The following ILDR2 variants were observed in gnomAD, a reference collection of about 807,000 sequenced individuals.
ILDR2 encodes immunoglobulin-like domain-containing receptor 2.
ILDR2 carries 25 observed loss-of-function variants against 66.8 expected under a neutral mutation model. The ratio of observed to expected loss-of-function variants is 0.37; its 90% CI spans 0.27 to 0.52. ILDR2 has a LOEUF of 0.52. Among genes scored for constraint, ILDR2 ranks in the 20% least tolerant of loss-of-function variants. ILDR2 has a pLI of 0.88. For missense variants in ILDR2, 827 were observed against 876.8 expected (o/e 0.94, Z 0.72); for synonymous variants, 367 against 357.2 (o/e 1.03, Z -0.31).
intron 2 of ILDR2, among the ~76,000 whole-genome samples, chr1:166,902,123 G>T (rs1481908139): frequency 6.6e-6 from 1 of 152,178 alleles, no homozygotes; most frequent in African/African-American, 2.4e-5. Flanking sequence ...GCCTCCCAAA[G>T]TGCTGGGATT....
chr1:166,942,708 C>T (rs1462948742), intron 3 of ILDR2, among the ~76,000 whole-genome samples: 3 of 152,196 alleles, frequency 2.0e-5, no homozygotes, highest in Non-Finnish European at 2.9e-5. Flanking sequence ...TCTAACATTA[C>T]TTCCACACAC....
chr1:166,942,625 C>G (rs896519914), intron 3 of ILDR2, among the ~76,000 whole-genome samples: 5 of 152,194 alleles, frequency 3.3e-5, no homozygotes, highest in Non-Finnish European at 5.9e-5. Context: ...TATACACACA[C>G]AGATAAATTT....
intron 2 of ILDR2, among the ~76,000 whole-genome samples, chr1:166,898,942 C>A (rs1659215765): frequency 6.6e-6 from 1 of 151,758 alleles, no homozygotes; most frequent in South Asian, 2.1e-4. Context: ...TACCTGTAGT[C>A]CCAACAACTT....
At chr1:166,970,423 C>T (rs1049365800) in intron 1 of ILDR2, among the ~76,000 whole-genome samples, 2 of 152,148 alleles carry the variant, frequency 1.3e-5, no homozygotes, top group African/African-American at 4.8e-5. Flanking sequence ...CTTTCATTTA[C>T]AACTCATCAA....
At chr1:166,901,210 C>T (rs1013807466) in intron 2 of ILDR2, among the ~76,000 whole-genome samples, 1 of 152,168 alleles carries the variant, frequency 6.6e-6, no homozygotes, top group Admixed American at 6.5e-5. Context: ...CCACATTCCC[C>T]GAGTTTCTCA....
At chr1:166,930,841 G>A (rs924685614) in intron 6 of ILDR2, among the ~76,000 whole-genome samples, 3 of 152,156 alleles carry the variant, frequency 2.0e-5, no homozygotes, top group Non-Finnish European at 4.4e-5. Context: ...CAAATAGCAT[G>A]GTGTCAGATT....
chr1:166,960,346 C>T (rs183771842), intron 1 of ILDR2, among the ~76,000 whole-genome samples: 1 of 152,104 alleles, frequency 6.6e-6, no homozygotes, highest in African/African-American at 2.4e-5. Flanking sequence ...TAGGACTTTG[C>T]AGATGAAACT....
intron 6 of ILDR2, among the ~76,000 whole-genome samples, chr1:166,929,773 A>G (rs950322522): frequency 4.6e-5 from 7 of 152,220 alleles, no homozygotes; most frequent in African/African-American, 1.7e-4. Flanking sequence ...TAGAAACCAT[A>G]TTATAAGAGA....
In ILDR2 at chr1:166,911,929, AAG is replaced by A. The variant is rs1430270710; in HGVS notation, c.*7424_*7425del. The A allele has an allele frequency of 2.0e-5, 3 of 152,144 alleles. No homozygotes were observed. Among genetic ancestry groups the A allele is most frequent in the Admixed American group, 6.5e-5 (1 of 15,284 alleles). 9.4% of individuals were successfully genotyped at this position (152,144 alleles called of 1,614,324 possible). ...AAAAAATCTAACAATTGGAATTCTC[AAG>A]AGAGAGTTTAAAAAGAAGAGGAAAT... On this transcript the variant is annotated 3_prime_UTR_variant, in exon 10 of 10. Transcript: ENST00000271417.
intron 7 of ILDR2, among the ~76,000 whole-genome samples, chr1:166,925,222 G>T (rs1030949006): frequency 8.5e-5 from 13 of 152,222 alleles, no homozygotes; most frequent in African/African-American, 2.9e-4. Flanking sequence ...GCCCCAACCT[G>T]AAACCATGAG....
At chr1:166,957,004 C>A in intron 2 of ILDR2, 152 bp from the exon 3 acceptor site, 1 of 746,520 alleles carries the variant, frequency 1.3e-6, no homozygotes, top group Non-Finnish European at 2.1e-6. Flanking sequence ...GTGTGCTTTG[C>A]TTAAAACAAA....
At chr1:166,959,909 G>A (rs775370146) in intron 1 of ILDR2, among the ~76,000 whole-genome samples, 10 of 152,224 alleles carry the variant, frequency 6.6e-5, no homozygotes, top group Non-Finnish European at 1.3e-4. Context: ...TCAGCTTCAA[G>A]TAGCTTGGGG....
intron 2 of ILDR2, among the ~76,000 whole-genome samples, chr1:166,902,286 A>G (rs375733917): frequency 1.3e-5 from 2 of 152,360 alleles, no homozygotes; most frequent in South Asian, 4.1e-4. Flanking sequence ...ATAAAAAGCT[A>G]AAGTGCATAA....
At position 166,923,337 on chromosome 1, in the gene ILDR2, G is replaced by T. The variant is rs1046329811; in HGVS notation, c.995-528C>A. The stretch of plus-strand genomic sequence containing the variant: ...GAGGCACTGCATTCTGGCCTCCTTT[G>T]GCTGTGCCCCTCCCCACAGAGCAGG... On this transcript the variant is annotated intron_variant, in intron 7 of 9. Coordinates refer to ENST00000271417, the MANE Select transcript of ILDR2 (RefSeq NM_199351.3). 3.3e-5 allele frequency among the ~76,000 whole-genome samples: 5 copies of T among 152,164 alleles called. No homozygotes were observed. In the South Asian group the frequency reaches 1.0e-3, roughly 32 times the overall value.
chr1:166,920,418 A>C (rs1223572883), intron 9 of ILDR2, among the ~76,000 whole-genome samples: 1 of 152,202 alleles, frequency 6.6e-6, no homozygotes, highest in African/African-American at 2.4e-5. Flanking sequence ...AGTTGGTTAA[A>C]TACCTAATGC....
rs1557921377 is a variant in ILDR2, at chr1:166,909,781, T to TATATATAAATATATATAAATATA, written c.*9573_*9574insTATATTTATATATATTTATATAT. 3.1e-5 allele frequency: 2 copies of TATATATAAATATATATAAATATA among 64,242 alleles called. No homozygotes were observed. Among genetic ancestry groups the TATATATAAATATATATAAATATA allele is most frequent in the Non-Finnish European group, 5.7e-5 (2 of 34,822 alleles). 4.0% of individuals were successfully genotyped at this position (64,242 alleles called of 1,614,324 possible). ...TATAAATATATATAAATATATATAT[T>TATATATAAATATATATAAATATA]TATATATATATATATATATATATAT... On this transcript the variant is annotated 3_prime_UTR_variant, in exon 10 of 10. Transcript: ENST00000271417.
chr1:166,956,907 A>T (rs1367596651), intron 2 of ILDR2, 55 bp from the exon 3 acceptor site: 2 of 1,588,220 alleles, frequency 1.3e-6, no homozygotes, highest in African/African-American at 2.7e-5. Flanking sequence ...TGAAAGAAAA[A>T]CACTAAACAA....
rs1295819631 is a variant in ILDR2, at chr1:166,936,294, C to T, written c.703+297G>A. 6.6e-6 allele frequency among the ~76,000 whole-genome samples: 1 copy of T among 152,180 alleles called. No homozygotes were observed. Among genetic ancestry groups the T allele is most frequent in the Non-Finnish European group, 1.5e-5 (1 of 68,028 alleles). ...CCAGGGAGAGGGAACAGTCTTACAC[C>T]ACAACCTCACCACGCCAAACCTGCC... On this transcript the variant is annotated intron_variant, in intron 5 of 9. Coordinates refer to ENST00000271417, the MANE Select transcript of ILDR2 (RefSeq NM_199351.3). The surrounding 1 kb of genome is among the most constrained non-coding windows in gnomAD (Gnocchi z 5.0).
intron 6 of ILDR2, 25 bp from the exon 7 acceptor site, chr1:166,927,205 G>A (rs1239064838): frequency 3.3e-6 from 5 of 1,533,676 alleles, no homozygotes; most frequent in East Asian, 2.3e-5. Context: ...ACAAGAAGGT[G>A]AGCTGAAAAA....
Sources: allele counts gnomAD v4.1 joint callset (sites outside exome capture counted in the v4.1 genomes callset), GRCh38; gene constraint gnomAD v4.1.1; non-coding constraint Gnocchi (gnomAD v3.1); transcripts MANE v1.5; gene names NCBI Gene and HGNC (gene_info 2026-07-23, HGNC 2026-07-21).